AGBL1: variants seen among roughly 807,000 people sequenced by gnomAD.
The protein encoded by AGBL1 is AGBL carboxypeptidase 1, also known as cytosolic carboxypeptidase 4.
A neutral mutation model predicts 118.9 loss-of-function variants in AGBL1; 130 were observed. The observed-to-expected ratio is 1.09, with a 90% CI of 0.95 to 1.26. The LOEUF is 1.26. AGBL1 is among the 50% of genes most tolerant of loss of function. The probability of loss-of-function intolerance (pLI) is 0.00; values close to 1 mark genes in which losing one functional copy is unlikely to be tolerated. For synonymous variants in AGBL1, 555 were observed against 478.9 expected, an observed-to-expected ratio of 1.16 and a Z score of -2.08; for missense variants, 1,584 against 1,298.1, an observed-to-expected ratio of 1.22 and a Z score of -3.38.
intron 18 of AGBL1, among the ~76,000 whole-genome samples, chr15:86,522,161 T>A (rs1051715351): frequency 2.0e-5 from 3 of 152,190 alleles, no homozygotes; most frequent in African/African-American, 7.2e-5. Flanking sequence ...AATAAGGGAA[T>A]GTATGATTTT....
chr15:86,210,061 C>T (rs1336797634), intron 5 of AGBL1, among the ~76,000 whole-genome samples: 1 of 152,122 alleles, frequency 6.6e-6, no homozygotes, highest in Non-Finnish European at 1.5e-5. Context: ...TTTTATTTCT[C>T]CTTCACTTAT....
At chr15:86,310,854 ACGTATGTGAGGATTTGC>A (rs2079910220) in intron 17 of AGBL1, among the ~76,000 whole-genome samples, 3 of 152,200 alleles carry the variant, frequency 2.0e-5, no homozygotes, top group African/African-American at 7.2e-5. Flanking sequence ...ATAAATTCAA[ACGTATGTGAGGATTTGC>A]TTATCATTAT....
intron 5 of AGBL1, among the ~76,000 whole-genome samples, chr15:86,196,637 G>A (rs868295482): frequency 2.6e-5 from 4 of 152,120 alleles, no homozygotes; most frequent in Non-Finnish European, 4.4e-5. Flanking sequence ...CACTAACAAC[G>A]TTTTCTAAAG....
At chr15:86,118,557 G>GGA (rs1343234944) in intron 1 of AGBL1, among the ~76,000 whole-genome samples, 1 of 151,802 alleles carries the variant, frequency 6.6e-6, no homozygotes, top group African/African-American at 2.4e-5. Context: ...GTACAGCATT[G>GGA]GAGAGCAGGT....
At chr15:87,005,548 T>C (rs1269696061) in intron 24 of AGBL1, among the ~76,000 whole-genome samples, 1 of 152,212 alleles carries the variant, frequency 6.6e-6, no homozygotes, top group East Asian at 1.9e-4. Context: ...CATCAGGTCC[T>C]TTAAGGACTT....
Position 86,761,492 on chromosome 15 carries a change from T to G in AGBL1, c.3158+87056T>G, listed in dbSNP as rs142610844. On this transcript the variant is annotated intron_variant, in intron 22 of 22. Coordinates refer to ENST00000614907, the MANE Select transcript of AGBL1 (RefSeq NM_001386094.1). Reference sequence around the variant, plus strand: ...TAGGTACAGGGATACAGAAAGGGCATGTGAAAGGGAGGGTCACTGTAGCTG... The same window carrying G: ...TAGGTACAGGGATACAGAAAGGGCAGGTGAAAGGGAGGGTCACTGTAGCTG... Among the ~76,000 whole-genome samples the G allele has an allele frequency of 1.3e-3, 197 of 152,176 alleles. 1 individual carries two copies. The highest frequency in any genetic ancestry group is 5.8e-3 in the East Asian group (30 of 5,156).
At chr15:86,305,011 G>A (rs2079816234) in intron 17 of AGBL1, 2 of 152,130 alleles carry the variant, frequency 1.3e-5, no homozygotes, top group Admixed American at 6.6e-5. Flanking sequence ...AGGTTCAGAT[G>A]CCTTTCTCTT....
At chr15:86,246,806 T>C (rs2078727894) in intron 6 of AGBL1, among the ~76,000 whole-genome samples, 1 of 152,192 alleles carries the variant, frequency 6.6e-6, no homozygotes, top group South Asian at 2.1e-4. Context: ...CCAACATATC[T>C]CTTAGACATG....
intron 21 of AGBL1, among the ~76,000 whole-genome samples, chr15:86,629,874 G>A (rs2084938764): frequency 6.6e-6 from 1 of 152,152 alleles, no homozygotes; most frequent in Admixed American, 6.5e-5. Flanking sequence ...AGATGAAGAG[G>A]AACAATTTGT....
chr15:86,891,569 A>T (rs1322872675), intron 22 of AGBL1, among the ~76,000 whole-genome samples: 1 of 150,738 alleles, frequency 6.6e-6, no homozygotes, highest in Non-Finnish European at 1.5e-5. Flanking sequence ...ATTCAACAAG[A>T]AATAATGAGG....
intron 18 of AGBL1, among the ~76,000 whole-genome samples, chr15:86,480,047 G>C (rs972025291): frequency 1.3e-5 from 2 of 151,956 alleles, no homozygotes; most frequent in Admixed American, 1.3e-4. Flanking sequence ...GAGAACACTT[G>C]AGCACAGGAA....
intron 18 of AGBL1, among the ~76,000 whole-genome samples, chr15:86,455,644 A>C (rs2142076564): frequency 6.6e-6 from 1 of 152,158 alleles, no homozygotes; most frequent in East Asian, 1.9e-4. Context: ...TAACATAATA[A>C]AAGCTAACAT....
At chr15:86,987,891 A>T in intron 23 of AGBL1, 1 of 1,455,656 alleles carries the variant, frequency 6.9e-7, no homozygotes, top group Non-Finnish European at 9.1e-7. Flanking sequence ...TGTTTTTCCC[A>T]CTCAATAATA....
intron 22 of AGBL1, among the ~76,000 whole-genome samples, chr15:86,860,840 T>G (rs998862761): frequency 5.9e-5 from 9 of 152,186 alleles, no homozygotes; most frequent in African/African-American, 1.9e-4. Context: ...ATATTCTGCT[T>G]GCACCTATCA....
chr15:86,931,731 T>G (rs2080608626), intron 23 of AGBL1, among the ~76,000 whole-genome samples: 2 of 152,156 alleles, frequency 1.3e-5, no homozygotes, highest in South Asian at 4.1e-4. Context: ...AGAAATACTC[T>G]GAATTCTATT....
rs565802847 is a variant in AGBL1 at position 87,009,078 on chromosome 15, T to G, written c.3324-19747T>G. Among the ~76,000 whole-genome samples, 11 of 152,270 alleles carry G rather than the reference T, an allele frequency of 7.2e-5. 1 individual carries two copies. The South Asian group carries it at 2.1e-3, about 29-fold the overall frequency. The stretch of plus-strand genomic sequence containing the variant: ...TGCATAAGTAACAAGGAGCTGAATA[T>G]TAATCACCAAGACAATGGGGGAAAA... On this transcript the variant is annotated intron_variant, in intron 24 of 24. Transcript: ENST00000441037.
chr15:86,357,551 A>C (rs2080740220), intron 17 of AGBL1, among the ~76,000 whole-genome samples: 1 of 152,078 alleles, frequency 6.6e-6, no homozygotes, highest in Non-Finnish European at 1.5e-5. Context: ...TAGGGTAAAA[A>C]AGGGCCTTGT....
At chr15:86,083,199 A>C (rs1228414364) in intron 1 of AGBL1, 1 of 152,034 alleles carries the variant, frequency 6.6e-6, no homozygotes, top group Non-Finnish European at 1.5e-5. Flanking sequence ...ACTTGGAAAA[A>C]AAAAAGAGGT....
intron 17 of AGBL1, among the ~76,000 whole-genome samples, chr15:86,371,228 C>T (rs1032017329): frequency 9.9e-5 from 15 of 152,094 alleles, no homozygotes; most frequent in Admixed American, 6.5e-4. Flanking sequence ...AGTTGTGCTT[C>T]GTGCAGCTGG....
Sources: gnomAD v4.1 joint callset for allele counts (sites outside exome capture counted in the v4.1 genomes callset) on GRCh38, gnomAD v4.1.1 for gene constraint, MANE v1.5 for transcripts, NCBI Gene and HGNC (gene_info 2026-07-23, HGNC 2026-07-21) for gene names.